CSMD1: variants seen among roughly 807,000 people sequenced by gnomAD.
The protein encoded by CSMD1 is CUB and sushi domain-containing protein 1.
Under a neutral mutation model 417.5 loss-of-function variants are expected in CSMD1, and 213 were observed. The ratio of observed to expected loss-of-function variants is 0.51; its 90% CI spans 0.46 to 0.57. The LOEUF is 0.57. Among genes scored for constraint, CSMD1 ranks in the 20% least tolerant of loss-of-function variants. CSMD1 has a pLI of 0.00. For missense variants in CSMD1, 6,923 were observed against 4,529.7 expected, an observed-to-expected ratio of 1.53 and a Z score of -15.17; for synonymous variants, 2,862 against 1,736.8, an observed-to-expected ratio of 1.65 and a Z score of -16.11.
intron 23 of CSMD1, among the ~76,000 whole-genome samples, chr8:3,313,388 T>A (rs370908932): frequency 8.5e-5 from 13 of 152,116 alleles, no homozygotes; most frequent in East Asian, 5.8e-4. Context: ...AGGGCTAATA[T>A]GCACAATCTA....
intron 3 of CSMD1, among the ~76,000 whole-genome samples, chr8:4,213,873 A>G (rs1800472747): frequency 6.6e-6 from 1 of 152,226 alleles, no homozygotes; most frequent in Non-Finnish European, 1.5e-5. Context: ...AGATGAGGTG[A>G]AGGTGAGGTC....
At chr8:3,969,338 G>T (rs2688351) in intron 5 of CSMD1, among the ~76,000 whole-genome samples, 2 of 152,004 alleles carry the variant, frequency 1.3e-5, no homozygotes, top group African/African-American at 4.8e-5. Context: ...CTCGCTACTT[G>T]CTTCCTAATG....
chr8:4,377,571 G>C (rs1293165869), intron 3 of CSMD1, among the ~76,000 whole-genome samples: 1 of 152,162 alleles, frequency 6.6e-6, no homozygotes, highest in Admixed American at 6.5e-5. Flanking sequence ...GCTGGACTTT[G>C]CGAAGAAGCC....
At chr8:4,824,501 G>A (rs1799703506) in intron 1 of CSMD1, among the ~76,000 whole-genome samples, 1 of 152,092 alleles carries the variant, frequency 6.6e-6, no homozygotes. Flanking sequence ...TTTAAACAGA[G>A]TAGTCCCAAT....
chr8:4,820,743 A>G (rs1308710470), intron 1 of CSMD1, among the ~76,000 whole-genome samples: 3 of 152,194 alleles, frequency 2.0e-5, no homozygotes, highest in African/African-American at 7.2e-5. Context: ...CTTTGCATTC[A>G]GGCATAAAGA....
chr8:4,285,465 A>T lies in CSMD1; in HGVS notation c.415+134488T>A, dbSNP rs192460457. Among the ~76,000 whole-genome samples, 432 of 152,326 alleles carry T rather than the reference A, an allele frequency of 2.8e-3. 2 individuals are homozygous for T. Among genetic ancestry groups the T allele is most frequent in the African/African-American group, 9.8e-3 (406 of 41,572 alleles). ...GGGTATTAGTTCAGAATTATGAAAT[A>T]ATACAGAAAAAAAGTGGGCTTTTCC... On this transcript the variant is annotated intron_variant, in intron 3 of 69. Coordinates refer to ENST00000635120, the MANE Select transcript of CSMD1 (RefSeq NM_033225.6).
intron 7 of CSMD1, among the ~76,000 whole-genome samples, chr8:3,671,107 A>T (rs1022516470): frequency 2.0e-5 from 3 of 146,974 alleles, no homozygotes; most frequent in Non-Finnish European, 4.5e-5. Flanking sequence ...TGTATGGGAT[A>T]TATATGTATA....
intron 40 of CSMD1, among the ~76,000 whole-genome samples, chr8:3,146,937 T>C (rs1818883186): frequency 6.6e-6 from 1 of 152,170 alleles, no homozygotes; most frequent in Non-Finnish European, 1.5e-5. Context: ...GCTTATCCAG[T>C]TGTATGGGAA....
chr8:4,614,548 T>G (rs1459665907), intron 2 of CSMD1, among the ~76,000 whole-genome samples: 1 of 152,124 alleles, frequency 6.6e-6, no homozygotes, highest in Non-Finnish European at 1.5e-5. Flanking sequence ...CAAGCGGAAG[T>G]ATCTAGAACT....
chr8:4,617,426 G>A (rs559834802), intron 2 of CSMD1, among the ~76,000 whole-genome samples: 2 of 152,240 alleles, frequency 1.3e-5, no homozygotes, highest in South Asian at 2.1e-4. Flanking sequence ...AATATGCAAG[G>A]TAGTAGGACT....
At chr8:4,197,973 G>A (rs914931866) in intron 3 of CSMD1, among the ~76,000 whole-genome samples, 2 of 152,280 alleles carry the variant, frequency 1.3e-5, no homozygotes, top group Middle Eastern at 3.4e-3. Flanking sequence ...TTGACTCTGG[G>A]AATAAAGTAA....
intron 7 of CSMD1, among the ~76,000 whole-genome samples, chr8:3,677,724 C>G (rs368158674): frequency 2.0e-4 from 31 of 152,198 alleles, no homozygotes; most frequent in African/African-American, 7.5e-4. Context: ...GGAAGTCTGT[C>G]TTTTGGAAAA....
At chr8:3,513,156 G>A (rs1797149131) in intron 10 of CSMD1, among the ~76,000 whole-genome samples, 1 of 151,628 alleles carries the variant, frequency 6.6e-6, no homozygotes, top group Non-Finnish European at 1.5e-5. Context: ...TATGGATTCA[G>A]CTACAATGCC....
rs80152639 is a variant in CSMD1, at chr8:3,751,926, G to C, written c.931+2004C>G. Among the ~76,000 whole-genome samples the C allele has an allele frequency of 2.2e-3, 328 of 152,240 alleles. 2 individuals carry two copies. The highest frequency in any genetic ancestry group is 7.4e-3 in the African/African-American group (307 of 41,542). Reference sequence around the variant, plus strand: ...TGTTAATCAACCTAACTGACTATAGGATCAGTCCATTGGCCTTGTAAATAT... The same window carrying C: ...TGTTAATCAACCTAACTGACTATAGCATCAGTCCATTGGCCTTGTAAATAT... On this transcript the variant is annotated intron_variant, in intron 6 of 69. Coordinates refer to ENST00000635120, the MANE Select transcript of CSMD1 (RefSeq NM_033225.6).
intron 12 of CSMD1, among the ~76,000 whole-genome samples, chr8:3,468,316 A>G (rs1247986993): frequency 3.9e-5 from 6 of 152,226 alleles, no homozygotes; most frequent in Non-Finnish European, 7.3e-5. Context: ...AATTTGGCTC[A>G]TAAAAATTTA....
At chr8:3,952,086 A>C (rs1386966145) in intron 5 of CSMD1, among the ~76,000 whole-genome samples, 1 of 152,206 alleles carries the variant, frequency 6.6e-6, no homozygotes, top group Non-Finnish European at 1.5e-5. Context: ...ATAAAAATAA[A>C]AATCTTTAAA....
intron 7 of CSMD1, among the ~76,000 whole-genome samples, chr8:3,658,542 G>A (rs950601787): frequency 6.6e-6 from 1 of 150,790 alleles, no homozygotes; most frequent in Non-Finnish European, 1.5e-5. Context: ...CAGCACTTTG[G>A]GAGGCCAAGG....
At chr8:2,960,229 A>G (rs1803338885) in intron 62 of CSMD1, among the ~76,000 whole-genome samples, 1 of 152,192 alleles carries the variant, frequency 6.6e-6, no homozygotes, top group Admixed American at 6.5e-5. Flanking sequence ...TTAAGGCAAT[A>G]TTTGAGACAT....
At chr8:4,396,779 T>C (rs112765637) in intron 3 of CSMD1, among the ~76,000 whole-genome samples, 2 of 152,122 alleles carry the variant, frequency 1.3e-5, no homozygotes, top group African/African-American at 4.8e-5. Context: ...ACCTCAGGAA[T>C]AGAAAACCAA....
Sources: allele counts gnomAD v4.1 joint callset (sites outside exome capture counted in the v4.1 genomes callset), GRCh38; gene constraint gnomAD v4.1.1; transcripts MANE v1.5; gene names NCBI Gene and HGNC (gene_info 2026-07-23, HGNC 2026-07-21).